PSKH2: variants seen among roughly 807,000 people sequenced by gnomAD.
The protein encoded by PSKH2 is protein serine kinase H2.
PSKH2 carries 16 observed loss-of-function variants against 22.5 expected under a neutral mutation model. The ratio of observed to expected loss-of-function variants is 0.71; its 90% CI spans 0.48 to 1.08. The LOEUF is 1.08. Ranked by LOEUF, PSKH2 falls within the 50% of genes least tolerant of loss-of-function variation. The pLI is 0.00. For synonymous variants in PSKH2, 188 were observed against 184.8 expected, an observed-to-expected ratio of 1.02 and a Z score of -0.14; for missense variants, 516 against 492.8, an observed-to-expected ratio of 1.05 and a Z score of -0.44.
intron 1 of PSKH2, chr8:86,066,518 C>T: frequency 6.6e-6 from 1 of 152,072 alleles, no homozygotes; most frequent in Non-Finnish European, 1.5e-5. Context: ...TTTAATAAAA[C>T]CTCTCCTAGC....
At chr8:86,062,899 A>T (rs1467209294) in intron 2 of PSKH2, among the ~76,000 whole-genome samples, 1 of 152,114 alleles carries the variant, frequency 6.6e-6, no homozygotes, top group Non-Finnish European at 1.5e-5. Flanking sequence ...CCATATGTAG[A>T]ATTTAGTTGT....
At chr8:86,055,503 C>CTATAATTT (rs1817688409) in intron 2 of PSKH2, among the ~76,000 whole-genome samples, 1 of 152,120 alleles carries the variant, frequency 6.6e-6, no homozygotes, top group Non-Finnish European at 1.5e-5. Context: ...AAATTATTTT[C>CTATAATTT]TATAAAGTAA....
chr8:86,052,684 A>C (rs1201114681), intron 2 of PSKH2, among the ~76,000 whole-genome samples: 2 of 152,216 alleles, frequency 1.3e-5, no homozygotes, highest in Non-Finnish European at 2.9e-5. Flanking sequence ...AATAATTCTC[A>C]AACCAATTCC....
At chr8:86,067,161 G>GA (rs1020183503) in intron 1 of PSKH2, among the ~76,000 whole-genome samples, 2 of 151,952 alleles carry the variant, frequency 1.3e-5, no homozygotes, top group Non-Finnish European at 2.9e-5. Context: ...TCCAATATTT[G>GA]AAAAAATGCT....
rs16876805 is a variant in PSKH2, at chr8:86,048,614, T to C, written c.1006A>G (p.Ile336Val). The change falls in exon 3 of 3, where the codon ATA becomes GTA. Residue 336 changes from isoleucine to valine, a missense_variant. Coordinates refer to ENST00000276616, the MANE Select transcript of PSKH2 (RefSeq NM_033126.3). Reference sequence around the variant, plus strand: ...GCCCTCTGCATGAGGTTTCGGGATATGGCCCTCTGGAGATTCTTCATGGAA... The same window carrying C: ...GCCCTCTGCATGAGGTTTCGGGATACGGCCCTCTGGAGATTCTTCATGGAA... ...GSSMKNLQRA[I>V]SRNLMQRASP... 0.016 allele frequency: 26,195 copies of C among 1,613,990 alleles called. 1,142 individuals carry two copies. The African/African-American group carries it at 0.17, about 10-fold the overall frequency.
At position 86,064,439 on chromosome 8, in the gene PSKH2, G is replaced by C; in HGVS notation, c.378C>G (p.Ile126Met). 1 of 1,614,130 alleles carries C rather than the reference G, an allele frequency of 6.2e-7. No individual in the cohort carries two copies. The highest frequency in any genetic ancestry group is 8.5e-7 in the Non-Finnish European group (1 of 1,180,034). Residue 126 changes from isoleucine to methionine, a missense_variant, in exon 2 of 3, where the codon ATC becomes ATG. Physicochemically the swap from Ile to Met is conservative, Grantham distance 10 (BLOSUM62 1). Transcript: ENST00000276616. ...TGTAAACTTGATCCTCAGTCTCAAA[G>C]ATCTCCATGAGCTGGACAATGTAAC... Reference protein sequence around the residue: ...SHRYIVQLMEIFETEDQVYMV... With the variant: ...SHRYIVQLMEMFETEDQVYMV...
chr8:86,064,307 C>T lies in PSKH2; in HGVS notation c.510G>A (p.Gly170=). The change falls in exon 2 of 3, where the codon GGG becomes GGA. Residue 170 remains glycine, a synonymous_variant. Transcript: ENST00000276616. The stretch of plus-strand genomic sequence containing the variant: ...TCTGCAGCGCATGCAAATACCTAAT[C>T]CCATCAGCAACCATCTGGAGGATCC... The part of the protein sequence containing the change: ...AVRILQMVAD[G]IRYLHALQIT... The T allele has an allele frequency of 6.2e-7, 1 of 1,614,110 alleles. No individual in the cohort carries two copies. Among genetic ancestry groups the T allele is most frequent in the Non-Finnish European group, 8.5e-7 (1 of 1,180,012 alleles).
At chr8:86,056,048 G>C (rs1479952638) in intron 2 of PSKH2, among the ~76,000 whole-genome samples, 3 of 151,954 alleles carry the variant, frequency 2.0e-5, no homozygotes, top group African/African-American at 7.3e-5. Flanking sequence ...CTGCAACTCA[G>C]GAGGCCAAGG....
chr8:86,064,009 G>A lies in PSKH2; in HGVS notation c.808C>T (p.Leu270Phe). ...LPFDDESQTRLYRKILKGKYN... is the reference protein window; with the variant it reads ...LPFDDESQTRFYRKILKGKYN... ...TTGCCTTTCAGAATCTTCCTGTAAAGCCTTGTCTGGCTTTCATCATCAAAA... is the reference window on the plus strand; with the variant it reads ...TTGCCTTTCAGAATCTTCCTGTAAAACCTTGTCTGGCTTTCATCATCAAAA... The change falls in exon 2 of 3, where the codon CTT becomes TTT. Residue 270 changes from leucine to phenylalanine, a missense_variant. By Grantham distance (22) the Leu-to-Phe change is conservative. Coordinates refer to ENST00000276616, the MANE Select transcript of PSKH2 (RefSeq NM_033126.3). 1 of 1,613,812 alleles carries A rather than the reference G, an allele frequency of 6.2e-7. No homozygotes were observed. The highest frequency in any genetic ancestry group is 8.5e-7 in the Non-Finnish European group (1 of 1,179,926).
In PSKH2 at chr8:86,064,057, C is replaced by A; in HGVS notation, c.760G>T (p.Ala254Ser). 1.2e-6 allele frequency: 2 copies of A among 1,614,148 alleles called. No individual in the cohort carries two copies. The highest frequency in any genetic ancestry group is 1.7e-6 in the Non-Finnish European group (2 of 1,180,014). ...DMWALGVITY[A>S]LLSGFLPFDD... ...AAAGGCAGGAATCCGCTAAGTAAAG[C>A]ATATGTGATCACACCAAGAGCCCAC... The change falls in exon 2 of 3, where the codon GCT becomes TCT. Residue 254 changes from alanine (A) to serine (S), a missense_variant. Physicochemically the swap from Ala to Ser is moderately conservative, Grantham distance 99. Transcript: ENST00000276616.
chr8:86,050,950 C>T (rs567954343), intron 2 of PSKH2, among the ~76,000 whole-genome samples: 227 of 152,044 alleles, frequency 1.5e-3, no homozygotes, highest in African/African-American at 5.2e-3. Context: ...GTTATATTGC[C>T]GAGGCTGGAC....
intron 2 of PSKH2, among the ~76,000 whole-genome samples, chr8:86,056,219 G>A (rs1364681303): frequency 6.6e-6 from 1 of 151,998 alleles, no homozygotes; most frequent in East Asian, 1.9e-4. Context: ...CAAAGCCCAG[G>A]GAGTTTGGGG....
At chr8:86,058,603 C>T (rs1380834742) in intron 2 of PSKH2, among the ~76,000 whole-genome samples, 1 of 152,226 alleles carries the variant, frequency 6.6e-6, no homozygotes, top group South Asian at 2.1e-4. Context: ...CTTTAAGGAG[C>T]TTATAATGTC....
intron 1 of PSKH2, among the ~76,000 whole-genome samples, chr8:86,067,739 A>G (rs1198437086): frequency 6.6e-6 from 1 of 152,222 alleles, no homozygotes; most frequent in Non-Finnish European, 1.5e-5. Context: ...CCAACAAGAA[A>G]GTAAATATAC....
At chr8:86,069,325 G>C in intron 1 of PSKH2, 113 bp downstream of exon 1, 1 of 994,074 alleles carries the variant, frequency 1.0e-6, no homozygotes, top group Non-Finnish European at 1.4e-6. Flanking sequence ...CCTATCATCC[G>C]AAAGAACCCT....
At chr8:86,053,447 C>T (rs1817660411) in intron 2 of PSKH2, among the ~76,000 whole-genome samples, 1 of 152,160 alleles carries the variant, frequency 6.6e-6, no homozygotes, top group African/African-American at 2.4e-5. Flanking sequence ...TCACACATCA[C>T]TTTGTGTACT....
At position 86,064,245 on chromosome 8, in the gene PSKH2, T is replaced by C. The variant is rs368729222; in HGVS notation, c.572A>G (p.Tyr191Cys). The change falls in exon 2 of 3, where the codon TAC becomes TGC. Residue 191 changes from tyrosine to cysteine, a missense_variant. Tyr to Cys is a radical substitution (Grantham distance 194). Coordinates refer to ENST00000276616, the MANE Select transcript of PSKH2 (RefSeq NM_033126.3). ...TTTCGACTCTTCACCTGGATGATAG[T>C]ATAAGAGGTTTTCAGGCTTTAGATT... ...HRNLKPENLL[Y>C]YHPGEESKIL... 1.8e-4 allele frequency: 294 copies of C among 1,614,164 alleles called. 2 individuals carry two copies. The South Asian group carries it at 2.3e-3, about 13-fold the overall frequency.
chr8:86,056,904 G>GTTT (rs36014357), intron 2 of PSKH2, among the ~76,000 whole-genome samples: 7 of 139,948 alleles, frequency 5.0e-5, no homozygotes, highest in Admixed American at 7.2e-5. Context: ...GGTAGTTGGA[G>GTTT]TTTTTTTTTT....
chr8:86,067,734 A>G (rs1817885714), intron 1 of PSKH2, among the ~76,000 whole-genome samples: 1 of 152,226 alleles, frequency 6.6e-6, no homozygotes, highest in South Asian at 2.1e-4. Context: ...AACTCCCAAC[A>G]AGAAAGTAAA....
Sources: allele counts gnomAD v4.1 joint callset (sites outside exome capture counted in the v4.1 genomes callset), GRCh38; gene constraint gnomAD v4.1.1; transcripts MANE v1.5; gene names NCBI Gene and HGNC (gene_info 2026-07-23, HGNC 2026-07-21).